NUDT16L1: variants seen among roughly 807,000 people sequenced by gnomAD.
NUDT16L1 encodes the protein tudor-interacting repair regulator protein.
Under a neutral mutation model 17.3 loss-of-function variants are expected in NUDT16L1, and 19 were observed. That is an observed-to-expected ratio of 1.10 (90% CI 0.77 to 1.61). The LOEUF (loss-of-function observed/expected upper bound fraction) is 1.61, where lower values mean the gene tolerates loss of function less well. NUDT16L1 is among the 40% of genes most tolerant of loss of function. The pLI, the probability that NUDT16L1 is intolerant of heterozygous loss-of-function variation, is 0.00. For synonymous variants in NUDT16L1, 255 were observed against 138.6 expected (o/e 1.84, Z -5.90); for missense variants, 341 against 292.0 (o/e 1.17, Z -1.22).
At chr16:4,693,709 G>A (rs1337294435) in exon 1 of NUDT16L1, 3 of 1,489,366 alleles carry the variant, frequency 2.0e-6, no homozygotes, top group African/African-American at 1.5e-5. Flanking sequence ...CAGCGGCGGG[G>A]ACGGGGTCAG....
Position 4,694,974 on chromosome 16 carries a change from G to C in NUDT16L1, c.431G>C (p.Arg144Pro). ...TCTGCGCAGGTGCTGGGCCTCGTGC[G>C]GGTCCCGCTGTACACCCAGAAGGAC... The change falls in exon 3 of 3, where the codon CGG becomes CCG. Residue 144 changes from arginine to proline, a missense_variant. By Grantham distance (103) the Arg-to-Pro change is moderately radical (BLOSUM62 -2). Transcript: ENST00000304301. The C allele has an allele frequency of 6.2e-7, 1 of 1,610,158 alleles. No individual in the cohort carries two copies. Among genetic ancestry groups the C allele is most frequent in the Non-Finnish European group, 8.5e-7 (1 of 1,179,784 alleles).
chr16:4,693,731 C>G, exon 1 of NUDT16L1: 1 of 1,531,150 alleles, frequency 6.5e-7, no homozygotes, highest in African/African-American at 1.4e-5. Flanking sequence ...GCCAAGATGT[C>G]GACGGCGGCG....
In NUDT16L1 at chr16:4,693,759, G is replaced by T. The variant is rs757999364; in HGVS notation, c.33G>T (p.Gln11His). 7 of 1,559,666 alleles carry T rather than the reference G, an allele frequency of 4.5e-6. No homozygotes were observed. The highest frequency in any genetic ancestry group is 1.7e-4 in the Middle Eastern group (1 of 5,832). The stretch of plus-strand genomic sequence containing the variant: ...CGGCGGCGGTTCCGGAGCTGAAGCA[G>T]ATCAGCCGGGTGGAGGCGATGCGCC... Residue 11 changes from glutamine (Q) to histidine (H), a missense_variant, in exon 1 of 3, where the codon CAG (glutamine) becomes CAT (histidine). Coordinates refer to ENST00000304301, the Ensembl canonical transcript of NUDT16L1.
intron 2 of NUDT16L1, 39 bp downstream of exon 2, chr16:4,694,277 T>A: frequency 6.8e-7 from 1 of 1,462,712 alleles, no homozygotes; most frequent in Non-Finnish European, 9.0e-7. Context: ...CGCCCCGGGG[T>A]TTGGCTCTGG....
chr16:4,694,648 G>C (rs1433049603), intron 2 of NUDT16L1: 20 of 1,422,000 alleles, frequency 1.4e-5, no homozygotes, highest in Non-Finnish European at 1.6e-5. Context: ...GGTCTGGAAG[G>C]GCTGGACTGC....
At chr16:4,695,104 G>T in exon 3 of NUDT16L1, 2 of 1,613,526 alleles carry the variant, frequency 1.2e-6, no homozygotes, top group Non-Finnish European at 1.7e-6. Context: ...CCGAGGAGAA[G>T]CTGGTTGAGG....
At chr16:4,694,076 G>T in exon 2 of NUDT16L1, 1 of 1,590,252 alleles carries the variant, frequency 6.3e-7, no homozygotes, top group Non-Finnish European at 8.5e-7. Flanking sequence ...TGCTGGGCCT[G>T]GGCCTGGGCT....
exon 1 of NUDT16L1, chr16:4,693,750 G>T: frequency 6.4e-7 from 1 of 1,552,912 alleles, no homozygotes; most frequent in Non-Finnish European, 8.7e-7. Context: ...CGGTTCCGGA[G>T]CTGAAGCAGA....
At chr16:4,694,535 G>T in intron 2 of NUDT16L1, 1 of 1,470,480 alleles carries the variant, frequency 6.8e-7, no homozygotes, top group Non-Finnish European at 9.0e-7. Context: ...GATGGGGGAG[G>T]AGCGGGGATT....
At chr16:4,695,215 G>A (rs760155214) in exon 3 of NUDT16L1, 54 of 1,590,310 alleles carry the variant, frequency 3.4e-5, no homozygotes, top group Non-Finnish European at 3.7e-5. Context: ...CCCCTGGGCC[G>A]GAAGACTGGG....
In NUDT16L1 at chr16:4,695,445, C is replaced by T. The variant is rs2079521774; in HGVS notation, c.*266C>T. 5.1e-6 allele frequency: 3 copies of T among 591,344 alleles called. No homozygotes were observed. The South Asian group carries it at 6.3e-5, about 12-fold the overall frequency. The allele number at this position is 591,344 out of a possible 1,614,324, so 36.6% of individuals were successfully genotyped here. On this transcript the variant is annotated 3_prime_UTR_variant, in exon 3 of 3. Transcript: ENST00000304301. ...AGGATGCTCTTGTTTATTCTGGGCT[C>T]AGACCCTCCTCTTGTACGTCTCATC...
intron 2 of NUDT16L1, chr16:4,694,589 C>T (rs1276965032): frequency 1.0e-5 from 15 of 1,436,062 alleles, no homozygotes; most frequent in South Asian, 2.9e-5. Context: ...GGTTGTAAAA[C>T]TTGGGAACCT....
In NUDT16L1 at chr16:4,693,886, A is replaced by ACGGGCGAGGGCG. The variant is rs547557668; in HGVS notation, c.153+18_153+29dup. ...CATGCGCTTCTCGGTGCTGGTGAGG[A>ACGGGCGAGGGCG]CGGGCGAGGGCGCGGGCGAGGGTGC... On this transcript the variant is annotated splice_region_variant and intron_variant, in intron 1 of 2. Coordinates refer to ENST00000304301, the Ensembl canonical transcript of NUDT16L1. The ACGGGCGAGGGCG allele has an allele frequency of 5.5e-3, 8,361 of 1,514,178 alleles. 54 individuals carry two copies. Among genetic ancestry groups the ACGGGCGAGGGCG allele is most frequent in the Middle Eastern group, 9.3e-3 (54 of 5,824 alleles). The allele number at this position is 1,514,178 out of a possible 1,614,324, so 93.8% of individuals were successfully genotyped here.
chr16:4,694,538 CG>C (rs930709215), intron 2 of NUDT16L1: 2 of 1,433,728 alleles, frequency 1.4e-6, no homozygotes, highest in African/African-American at 2.9e-5. Context: ...GGGGGAGGAG[CG>C]GGGATTGCTT....
intron 2 of NUDT16L1, chr16:4,694,722 CCTGGGTACGAGGGGGGGGA>C (rs2079498966): frequency 7.1e-7 from 1 of 1,415,190 alleles, no homozygotes; most frequent in African/African-American, 1.5e-5. Flanking sequence ...GGTGGGGTGG[CCTGGGTACGAGGGGGGGGA>C]GTGCATGGGG....
chr16:4,695,344 G>A (rs2079519892), exon 3 of NUDT16L1: 14 of 714,504 alleles, frequency 2.0e-5, no homozygotes, highest in Non-Finnish European at 3.0e-5. Context: ...GTGGCGGCCG[G>A]GCCAGCTGGA....
chr16:4,695,608 T>TTC, exon 3 of NUDT16L1: 1 of 427,978 alleles, frequency 2.3e-6, no homozygotes, highest in Admixed American at 4.0e-5. Context: ...CCTGAGCCAG[T>TTC]TCAGGGCCTG....
At chr16:4,693,668 CG>C, upstream of NUDT16L1, 3 of 1,362,606 alleles carry the variant, frequency 2.2e-6, no homozygotes, top group East Asian at 3.1e-5. Flanking sequence ...CGAGGCACGG[CG>C]GGGGCGGGCT....
At chr16:4,693,861 C>A in exon 1 of NUDT16L1, 1 of 1,552,618 alleles carries the variant, frequency 6.4e-7, no homozygotes, top group Non-Finnish European at 8.6e-7. Flanking sequence ...GCCGCATCCC[C>A]ATGCGCTTCT....
Sources: allele counts gnomAD v4.1 joint callset, GRCh38; gene constraint gnomAD v4.1.1; transcripts MANE v1.5; gene names NCBI Gene and HGNC (gene_info 2026-07-23, HGNC 2026-07-21).